The following ZCCHC7 variants were observed in gnomAD, a reference collection of about 807,000 sequenced individuals.
The protein encoded by ZCCHC7 is zinc finger CCHC-type containing 7, also known as zinc finger CCHC domain-containing protein 7.
In ZCCHC7, 35 loss-of-function variants were observed where a neutral mutation model predicts 52.0. The ratio of observed to expected loss-of-function variants is 0.67; its 90% CI spans 0.51 to 0.89. ZCCHC7 has a LOEUF of 0.89. Among genes scored for constraint, ZCCHC7 ranks in the 40% least tolerant of loss-of-function variants. The probability of loss-of-function intolerance (pLI) is 0.00; values close to 1 mark genes in which losing one functional copy is unlikely to be tolerated. For synonymous variants in ZCCHC7, 217 were observed against 221.5 expected (o/e 0.98, Z 0.18); for missense variants, 574 against 649.1 (o/e 0.88, Z 1.26).
intron 2 of ZCCHC7, among the ~76,000 whole-genome samples, chr9:37,214,266 G>T (rs937070279): frequency 6.6e-6 from 1 of 152,000 alleles, no homozygotes; most frequent in Non-Finnish European, 1.5e-5. Context: ...GAGCCATGCT[G>T]CATTAAGTTA....
intron 6 of ZCCHC7, among the ~76,000 whole-genome samples, chr9:37,344,134 A>G (rs1251663569): frequency 6.6e-6 from 1 of 152,184 alleles, no homozygotes; most frequent in Admixed American, 6.5e-5. Context: ...GCAGCATAGC[A>G]AGACCCCCAT....
intron 2 of ZCCHC7, among the ~76,000 whole-genome samples, chr9:37,207,955 T>C (rs1824011843): frequency 6.6e-6 from 1 of 152,212 alleles, no homozygotes; most frequent in African/African-American, 2.4e-5. Flanking sequence ...TGAATAGTTT[T>C]AAGTTTTTGT....
At chr9:37,347,681 A>G (rs540728450) in intron 6 of ZCCHC7, among the ~76,000 whole-genome samples, 61 of 152,054 alleles carry the variant, frequency 4.0e-4, no homozygotes, top group African/African-American at 1.3e-3. Flanking sequence ...GGCTTTTATG[A>G]GTAATGATTT....
Position 37,257,785 on chromosome 9 carries a change from C to T in ZCCHC7, c.611-44403C>T, listed in dbSNP as rs1020793408. Among the ~76,000 whole-genome samples the T allele has an allele frequency of 2.6e-5, 4 of 152,210 alleles. No homozygotes were observed. In the East Asian group the frequency reaches 5.8e-4, roughly 22 times the overall value. On this transcript the variant is annotated intron_variant, in intron 2 of 8. Transcript: ENST00000336755. ...TCTCTCACTGTGTGACTCGCCTGCT[C>T]GCCCTTTGCCTTCTGCCATGATTCT...
At chr9:37,316,514 G>C (rs1429480915) in intron 5 of ZCCHC7, among the ~76,000 whole-genome samples, 1 of 150,810 alleles carries the variant, frequency 6.6e-6, no homozygotes, top group Non-Finnish European at 1.5e-5. Flanking sequence ...TAGTACAGAT[G>C]GGGTTTCGCC....
chr9:37,143,854 TG>T lies in ZCCHC7; in HGVS notation c.610+16913del, dbSNP rs1283634475. Among the ~76,000 whole-genome samples the T allele has an allele frequency of 9.2e-5, 14 of 151,996 alleles. No homozygotes were observed. In the East Asian group the frequency reaches 2.7e-3, roughly 29 times the overall value. ...AAGTAATTTTTTGATTATGATATTT[TG>T]ATTTTATTAATATGTAAACTAAAAA... On this transcript the variant is annotated intron_variant, in intron 2 of 8. Coordinates refer to ENST00000336755, the MANE Select transcript of ZCCHC7 (RefSeq NM_032226.3).
chr9:37,254,179 G>A (rs77014814), intron 2 of ZCCHC7, among the ~76,000 whole-genome samples: 1,944 of 152,100 alleles, frequency 0.013, 39 homozygotes, highest in African/African-American at 0.045. Flanking sequence ...TTGTTACAGT[G>A]AATTCCATTT....
intron 2 of ZCCHC7, among the ~76,000 whole-genome samples, chr9:37,295,551 G>C (rs1206719648): frequency 6.6e-6 from 1 of 152,128 alleles, no homozygotes; most frequent in East Asian, 1.9e-4. Flanking sequence ...GTGGTCCTGA[G>C]CTAAAATCGT....
At chr9:37,150,021 C>T (rs1299079094) in intron 2 of ZCCHC7, among the ~76,000 whole-genome samples, 1 of 152,170 alleles carries the variant, frequency 6.6e-6, no homozygotes, top group African/African-American at 2.4e-5. Flanking sequence ...TTTTCATCTC[C>T]TTTTCACAAG....
In ZCCHC7 at chr9:37,354,822, A is replaced by G. The variant is rs762239478; in HGVS notation, c.1196A>G (p.Lys399Arg). The G allele has an allele frequency of 3.2e-6, 5 of 1,586,966 alleles. No individual in the cohort carries two copies. Among genetic ancestry groups the G allele is most frequent in the Non-Finnish European group, 4.3e-6 (5 of 1,158,098 alleles). ...EREKRLKQKI[K>R]VLKKNGVIPE... ...GAAAAGAGACTAAAACAAAAAATAA[A>G]AGGTATGTTGCTAGACTTCTTGTTA... Residue 399 changes from lysine (K) to arginine (R), a missense_variant and splice_region_variant, in exon 8 of 9, where the codon AAA (lysine) becomes AGA (arginine). This residue lies in a region of ZCCHC7 where 168 missense variants were observed against 171.6 expected (regional missense o/e 0.98). Transcript: ENST00000336755. The surrounding 1 kb of genome is among the most constrained non-coding windows in gnomAD (Gnocchi z 4.0).
At chr9:37,316,588 G>A (rs1044947512) in intron 5 of ZCCHC7, among the ~76,000 whole-genome samples, 1 of 151,734 alleles carries the variant, frequency 6.6e-6, no homozygotes, top group Non-Finnish European at 1.5e-5. Flanking sequence ...GCGTCCCAAA[G>A]TGCTGGGATT....
chr9:37,290,794 T>G (rs1185919868), intron 2 of ZCCHC7, among the ~76,000 whole-genome samples: 1 of 152,248 alleles, frequency 6.6e-6, no homozygotes, highest in East Asian at 1.9e-4. Context: ...TTGGACCCTT[T>G]TATAAATCTA....
intron 2 of ZCCHC7, among the ~76,000 whole-genome samples, chr9:37,254,837 C>CTTTTTTTTTTTTTTTTT (rs59489076): frequency 4.5e-4 from 42 of 93,454 alleles, no homozygotes; most frequent in Non-Finnish European, 6.2e-4. Flanking sequence ...CAAAAAGTTT[C>CTTTTTTTTTTTTTTTTT]TTTTTTTTTT....
chr9:37,300,513 G>C (rs1001331940), intron 2 of ZCCHC7, among the ~76,000 whole-genome samples: 1 of 152,206 alleles, frequency 6.6e-6, no homozygotes, highest in African/African-American at 2.4e-5. Flanking sequence ...ATAATCATCA[G>C]CACAGCATCT....
At chr9:37,144,677 A>G (rs1253390850) in intron 2 of ZCCHC7, among the ~76,000 whole-genome samples, 1 of 151,994 alleles carries the variant, frequency 6.6e-6, no homozygotes, top group African/African-American at 2.4e-5. Flanking sequence ...TTCCAGTTAT[A>G]TATGATCCAT....
At chr9:37,207,766 T>A (rs1360386249) in intron 2 of ZCCHC7, among the ~76,000 whole-genome samples, 2 of 152,200 alleles carry the variant, frequency 1.3e-5, no homozygotes, top group Non-Finnish European at 2.9e-5. Context: ...TTTTTAAAAA[T>A]ATTTCAGATA....
intron 6 of ZCCHC7, among the ~76,000 whole-genome samples, chr9:37,329,374 A>AG (rs1491532155): frequency 3.3e-5 from 5 of 151,870 alleles, no homozygotes; most frequent in Admixed American, 2.6e-4. Flanking sequence ...AATTTTAAAA[A>AG]GAATCATTAG....
intron 2 of ZCCHC7, among the ~76,000 whole-genome samples, chr9:37,194,947 C>CTTTT (rs1169877667): frequency 7.5e-6 from 1 of 133,478 alleles, no homozygotes; most frequent in African/African-American, 2.8e-5. Flanking sequence ...TCTCTTTTTT[C>CTTTT]TTTTTTTTTT....
At position 37,354,873 on chromosome 9, in the gene ZCCHC7, T is replaced by C; in HGVS notation, c.1198+49T>C. ...GATCACATTTGCAGTAGTTTCTAAATTTCTTTGTTTGTACTGTCTTTGCCT... is the reference window on the plus strand; with the variant it reads ...GATCACATTTGCAGTAGTTTCTAAACTTCTTTGTTTGTACTGTCTTTGCCT... On this transcript the variant is annotated intron_variant, in intron 8 of 8. Transcript: ENST00000336755. This position sits in a 1 kb window ranked among gnomAD's most constrained non-coding sequence, Gnocchi z 4.0. 1.5e-6 allele frequency: 2 copies of C among 1,307,934 alleles called. No homozygotes were observed. Among genetic ancestry groups the C allele is most frequent in the Non-Finnish European group, 2.2e-6 (2 of 925,616 alleles). 81.0% of individuals were successfully genotyped at this position (1,307,934 alleles called of 1,614,324 possible).
Sources: allele counts gnomAD v4.1 joint callset (sites outside exome capture counted in the v4.1 genomes callset), GRCh38; gene constraint gnomAD v4.1.1; regional missense constraint gnomAD v4.1.1; non-coding constraint Gnocchi (gnomAD v3.1); transcripts MANE v1.5; gene names NCBI Gene and HGNC (gene_info 2026-07-23, HGNC 2026-07-21).